The following FILIP1L variants were observed in gnomAD, a reference collection of about 807,000 sequenced individuals.
FILIP1L encodes filamin A interacting protein 1 like, also known as filamin A-interacting protein 1-like.
FILIP1L carries 55 observed loss-of-function variants against 96.6 expected under a neutral mutation model. That is an observed-to-expected ratio of 0.57 (90% CI 0.46 to 0.71). The LOEUF is 0.71. FILIP1L is among the 30% of genes least tolerant of loss of function. FILIP1L has a pLI of 0.00. For missense variants in FILIP1L, 1,304 were observed against 1,321.2 expected (o/e 0.99, Z 0.20); for synonymous variants, 467 against 473.9 (o/e 0.99, Z 0.19).
intron 1 of FILIP1L, among the ~76,000 whole-genome samples, chr3:100,095,506 C>T (rs1057088021): frequency 1.3e-5 from 2 of 151,966 alleles, no homozygotes; most frequent in African/African-American, 4.8e-5. Context: ...ATACCGAGAA[C>T]ATGCATTGGA....
At chr3:100,067,493 T>C (rs1037218187) in intron 1 of FILIP1L, among the ~76,000 whole-genome samples, 4 of 152,142 alleles carry the variant, frequency 2.6e-5, no homozygotes, top group African/African-American at 4.8e-5. Context: ...ATAGTGAGTG[T>C]TTTTCAGGTG....
In FILIP1L at chr3:99,874,448, T is replaced by G. The variant is rs1025211952; in HGVS notation, c.606-23378A>C. 5 of 152,204 alleles carry G rather than the reference T, an allele frequency of 3.3e-5. No homozygotes were observed. In the East Asian group the frequency reaches 9.6e-4, roughly 29 times the overall value. 9.4% of individuals were successfully genotyped at this position (152,204 alleles called of 1,614,324 possible). ...TATTCTGTACTTCTCCACAGTGACATGGGTGTTGGCCCCGCTCTTCTCATT... is the reference window on the plus strand; with the variant it reads ...TATTCTGTACTTCTCCACAGTGACAGGGGTGTTGGCCCCGCTCTTCTCATT... On this transcript the variant is annotated intron_variant, in intron 4 of 5. Transcript: ENST00000477258.
At chr3:100,030,503 A>G (rs1053560822) in intron 1 of FILIP1L, among the ~76,000 whole-genome samples, 1 of 152,144 alleles carries the variant, frequency 6.6e-6, no homozygotes, top group African/African-American at 2.4e-5. Context: ...TCATTCATGC[A>G]TGTCTCATCT....
chr3:100,051,171 A>G (rs1289696841), intron 1 of FILIP1L: 1 of 152,096 alleles, frequency 6.6e-6, no homozygotes, highest in Non-Finnish European at 1.5e-5. Flanking sequence ...ATTTAAATGG[A>G]TCACAATTCT....
intron 4 of FILIP1L, among the ~76,000 whole-genome samples, chr3:99,911,860 G>A (rs947792299): frequency 6.6e-6 from 1 of 151,878 alleles, no homozygotes; most frequent in Non-Finnish European, 1.5e-5. Flanking sequence ...CAAGCATAGT[G>A]TTAAGTTAAA....
intron 1 of FILIP1L, among the ~76,000 whole-genome samples, chr3:100,009,738 T>C (rs1253164019): frequency 1.3e-5 from 2 of 152,216 alleles, no homozygotes; most frequent in African/African-American, 4.8e-5. Context: ...GAGGCAAAGA[T>C]ATTTGAAAGT....
intron 1 of FILIP1L, among the ~76,000 whole-genome samples, chr3:100,062,346 C>CTGAGACG (rs1320020425): frequency 6.6e-6 from 1 of 151,870 alleles, no homozygotes; most frequent in Non-Finnish European, 1.5e-5. Flanking sequence ...CTCCTGACCT[C>CTGAGACG]GCGATCCACC....
intron 4 of FILIP1L, among the ~76,000 whole-genome samples, chr3:99,871,114 G>A (rs1372719814): frequency 6.6e-6 from 1 of 152,204 alleles, no homozygotes; most frequent in African/African-American, 2.4e-5. Flanking sequence ...ATACAAAGCA[G>A]ATTTCACTGC....
rs558912894 is a variant in FILIP1L, at chr3:99,944,147, A to G, written c.-10-13117T>C. ...TACATTACTCAGGCCCTACCTCACC[A>G]AAGGGAGGGAGTTCTTCTAGTCAGT... On this transcript the variant is annotated intron_variant, in intron 1 of 5. Coordinates refer to ENST00000477258, the MANE Select transcript of FILIP1L (RefSeq NM_001387850.1). Among the ~76,000 whole-genome samples, 16 of 152,348 alleles carry G rather than the reference A, an allele frequency of 1.1e-4. No homozygotes were observed. The East Asian group carries it at 3.1e-3, about 29-fold the overall frequency.
At chr3:100,059,003 A>C (rs184007636) in intron 1 of FILIP1L, among the ~76,000 whole-genome samples, 1 of 152,342 alleles carries the variant, frequency 6.6e-6, no homozygotes, top group Non-Finnish European at 1.5e-5. Flanking sequence ...CATCTCTTCC[A>C]GTGTTTTTCT....
At chr3:100,042,444 A>G (rs2065220901) in intron 1 of FILIP1L, among the ~76,000 whole-genome samples, 1 of 152,224 alleles carries the variant, frequency 6.6e-6, no homozygotes, top group Non-Finnish European at 1.5e-5. Flanking sequence ...AAAATTCTCT[A>G]AACTGTGATT....
At chr3:100,043,643 T>C (rs1019458433) in intron 1 of FILIP1L, among the ~76,000 whole-genome samples, 3 of 152,220 alleles carry the variant, frequency 2.0e-5, no homozygotes, top group African/African-American at 7.2e-5. Context: ...TGGAAGGTGA[T>C]TATGATATGT....
At chr3:99,922,695 T>A (rs1707162502) in intron 4 of FILIP1L, among the ~76,000 whole-genome samples, 1 of 152,224 alleles carries the variant, frequency 6.6e-6, no homozygotes, top group Non-Finnish European at 1.5e-5. Context: ...TTAATTGTCC[T>A]TTCAGTTTCA....
intron 1 of FILIP1L, among the ~76,000 whole-genome samples, chr3:99,963,642 C>T (rs1708559596): frequency 1.3e-5 from 2 of 151,156 alleles, no homozygotes; most frequent in South Asian, 4.2e-4. Flanking sequence ...GACGGAGTGT[C>T]GCTCTGTAGC....
chr3:100,011,980 T>C (rs1487505743), intron 1 of FILIP1L, among the ~76,000 whole-genome samples: 2 of 152,354 alleles, frequency 1.3e-5, no homozygotes, highest in Admixed American at 6.5e-5. Flanking sequence ...CTTTCTGATA[T>C]TTCGATTATG....
chr3:100,023,747 G>A (rs775176548), intron 1 of FILIP1L, among the ~76,000 whole-genome samples: 2 of 152,100 alleles, frequency 1.3e-5, no homozygotes, highest in Non-Finnish European at 2.9e-5. Flanking sequence ...TCTCGCCATT[G>A]CAAACTAGTA....
intron 1 of FILIP1L, among the ~76,000 whole-genome samples, chr3:99,952,281 G>A (rs1343142417): frequency 6.6e-6 from 1 of 151,914 alleles, no homozygotes; most frequent in Non-Finnish European, 1.5e-5. Context: ...AGTTTCAATT[G>A]GATTATTTTG....
intron 1 of FILIP1L, among the ~76,000 whole-genome samples, chr3:99,989,904 T>A (rs998486976): frequency 1.3e-5 from 2 of 151,976 alleles, no homozygotes; most frequent in Non-Finnish European, 2.9e-5. Flanking sequence ...AAAACTGGAG[T>A]AGTTATTTCC....
chr3:100,036,996 A>G (rs1175402870), intron 1 of FILIP1L, among the ~76,000 whole-genome samples: 1 of 152,192 alleles, frequency 6.6e-6, no homozygotes, highest in Non-Finnish European at 1.5e-5. Context: ...AAACACATAA[A>G]TAAAGCTGAG....
Sources: allele counts gnomAD v4.1 joint callset (sites outside exome capture counted in the v4.1 genomes callset), GRCh38; gene constraint gnomAD v4.1.1; transcripts MANE v1.5; gene names NCBI Gene and HGNC (gene_info 2026-07-23, HGNC 2026-07-21).